Variants in GDAP1 observed in about 807,000 individuals in gnomAD.
The protein encoded by GDAP1 is ganglioside induced differentiation associated protein 1.
A neutral mutation model predicts 40.1 loss-of-function variants in GDAP1; 34 were observed. The observed-to-expected ratio is 0.85, with a 90% CI of 0.64 to 1.13. GDAP1 has a LOEUF of 1.13. Ranked by LOEUF, GDAP1 falls within the 50% of genes most tolerant of loss-of-function variation. The pLI is 0.00. For synonymous variants in GDAP1, 170 were observed against 157.4 expected (o/e 1.08, Z -0.60); for missense variants, 374 against 433.7 (o/e 0.86, Z 1.22).
intron 2 of GDAP1, among the ~76,000 whole-genome samples, chr8:74,469,625 C>T (rs1328932928): frequency 3.4e-5 from 5 of 147,332 alleles, no homozygotes; most frequent in Admixed American, 2.7e-4. Context: ...GCCGAGATCG[C>T]GCCACTGCAC....
At chr8:74,480,187 A>C (rs1204228542) in intron 2 of GDAP1, among the ~76,000 whole-genome samples, 1 of 151,808 alleles carries the variant, frequency 6.6e-6, no homozygotes, top group Non-Finnish European at 1.5e-5. Context: ...ATGGAGTTTC[A>C]CCATGTGAGC....
At chr8:74,402,657 G>A (rs2131549952) in intron 2 of GDAP1, among the ~76,000 whole-genome samples, 1 of 150,312 alleles carries the variant, frequency 6.7e-6, no homozygotes, top group Non-Finnish European at 1.5e-5. Context: ...GCTCATGCTG[G>A]GAGCTATAGA....
intron 2 of GDAP1, among the ~76,000 whole-genome samples, chr8:74,405,024 C>A (rs1805619030): frequency 6.7e-6 from 1 of 149,940 alleles, no homozygotes; most frequent in African/African-American, 2.5e-5. Context: ...TGTTCTCATG[C>A]TGCTAATAAA....
At chr8:74,359,964 G>A (rs979815407) in intron 2 of GDAP1, among the ~76,000 whole-genome samples, 173 bp from the exon 3 acceptor site, 2 of 128,206 alleles carry the variant, frequency 1.6e-5, no homozygotes, top group Admixed American at 1.7e-4. Flanking sequence ...CTTGTCTGGT[G>A]CATCAGGCCA....
At chr8:74,423,302 AC>A (rs1461734640) in intron 2 of GDAP1, among the ~76,000 whole-genome samples, 2 of 147,312 alleles carry the variant, frequency 1.4e-5, no homozygotes, top group Non-Finnish European at 3.0e-5. Context: ...TGATATGTAT[AC>A]TATATATAAT....
In GDAP1 at chr8:74,358,761, G is replaced by A. The variant is rs544098359; in HGVS notation, c.311-1376G>A. On this transcript the variant is annotated intron_variant, in intron 2 of 5. Transcript: ENST00000220822. ...CAGACCATAGTGTGAGAACTGTTGCGCTTAGGGGTTTATGAATAGAATTCA... is the reference window on the plus strand; with the variant it reads ...CAGACCATAGTGTGAGAACTGTTGCACTTAGGGGTTTATGAATAGAATTCA... Among the ~76,000 whole-genome samples, 3 of 152,242 alleles carry A rather than the reference G, an allele frequency of 2.0e-5. No individual in the cohort carries two copies. In the East Asian group the frequency reaches 5.8e-4, roughly 29 times the overall value.
At chr8:74,457,675 A>C (rs1437387333) in intron 2 of GDAP1, among the ~76,000 whole-genome samples, 1 of 152,292 alleles carries the variant, frequency 6.6e-6, no homozygotes, top group African/African-American at 2.4e-5. Context: ...TAAACGAAGA[A>C]CATTTAAAGA....
intron 2 of GDAP1, among the ~76,000 whole-genome samples, chr8:74,484,492 C>A (rs1806751099): frequency 6.6e-6 from 1 of 152,124 alleles, no homozygotes; most frequent in African/African-American, 2.4e-5. Flanking sequence ...GCTGATTCTG[C>A]AATAGTTTTA....
chr8:74,401,002 A>T (rs1175467846), intron 2 of GDAP1, among the ~76,000 whole-genome samples: 4 of 149,232 alleles, frequency 2.7e-5, no homozygotes, highest in African/African-American at 1.0e-4. Context: ...CCTTCATTTC[A>T]ACTTTGGTGA....
chr8:74,360,993 C>G (rs1176445561), intron 3 of GDAP1, among the ~76,000 whole-genome samples: 1 of 152,144 alleles, frequency 6.6e-6, no homozygotes, highest in Admixed American at 6.5e-5. Context: ...TTATGTGATA[C>G]TCACCTTTAT....
chr8:74,399,677 A>G (rs138399679), intron 2 of GDAP1, among the ~76,000 whole-genome samples: 123,089 of 123,206 alleles, frequency 1, 61,487 homozygotes, highest in Middle Eastern at 1. Context: ...TCTTTCTCTT[A>G]TGGGCATTTA....
intron 2 of GDAP1, among the ~76,000 whole-genome samples, chr8:74,473,109 G>C (rs1475464309): frequency 6.7e-6 from 1 of 149,674 alleles, no homozygotes; most frequent in African/African-American, 2.5e-5. Context: ...AAAAGTGCCT[G>C]TTTATGTTCT....
intron 2 of GDAP1, among the ~76,000 whole-genome samples, chr8:74,469,872 G>A (rs1180227089): frequency 1.3e-5 from 2 of 151,796 alleles, no homozygotes; most frequent in South Asian, 2.1e-4. Flanking sequence ...TACTCGGGAG[G>A]CTGAGGCAGG....
chr8:74,432,267 C>G lies in GDAP1; in HGVS notation c.166-56411C>G, dbSNP rs1232330310. On this transcript the variant is annotated intron_variant, in intron 2 of 2. Transcript: ENST00000523640. ...TCAGCCATTCCTCAAGGTATTTTAC[C>G]CTTGGATTTCTCACTTGCTGAGTCA... 4.6e-5 allele frequency among the ~76,000 whole-genome samples: 7 copies of G among 152,182 alleles called. No individual in the cohort carries two copies. In the East Asian group the frequency reaches 1.4e-3, roughly 29 times the overall value.
chr8:74,397,022 T>C (rs1477275532), intron 2 of GDAP1, among the ~76,000 whole-genome samples: 3 of 152,170 alleles, frequency 2.0e-5, no homozygotes, highest in Non-Finnish European at 4.4e-5. Flanking sequence ...CACCTGATGT[T>C]TCCTGACTTT....
intron 2 of GDAP1, among the ~76,000 whole-genome samples, chr8:74,401,069 C>T (rs1374840896): frequency 6.7e-6 from 1 of 149,140 alleles, no homozygotes; most frequent in Non-Finnish European, 1.5e-5. Flanking sequence ...TTGTGGCGTT[C>T]TCTGTATTTC....
At chr8:74,354,152 G>A (rs536677254) in intron 2 of GDAP1, among the ~76,000 whole-genome samples, 23 of 152,208 alleles carry the variant, frequency 1.5e-4, no homozygotes, top group South Asian at 6.2e-4. Context: ...TCTCATACCA[G>A]ATTACCTCTT....
At chr8:74,414,521 G>A (rs1050093165) in intron 2 of GDAP1, among the ~76,000 whole-genome samples, 6 of 149,804 alleles carry the variant, frequency 4.0e-5, no homozygotes, top group East Asian at 3.9e-4. Flanking sequence ...CCCACCCCAA[G>A]GTCATTGGCT....
chr8:74,374,482 C>T (rs1055323462), intron 2 of GDAP1, among the ~76,000 whole-genome samples: 1 of 151,404 alleles, frequency 6.6e-6, no homozygotes, highest in African/African-American at 2.4e-5. Context: ...AAACAAGTTT[C>T]AACCCAAAAT....
Sources: allele counts gnomAD v4.1 joint callset (sites outside exome capture counted in the v4.1 genomes callset), GRCh38; gene constraint gnomAD v4.1.1; transcripts MANE v1.5; gene names NCBI Gene and HGNC (gene_info 2026-07-23, HGNC 2026-07-21).